SDR16C5: variants seen among roughly 807,000 people sequenced by gnomAD.
SDR16C5 encodes short chain dehydrogenase/reductase family 16C member 5.
Under a neutral mutation model 27.7 loss-of-function variants are expected in SDR16C5, and 20 were observed. That is an observed-to-expected ratio of 0.72 (90% confidence interval 0.51 to 1.05). The LOEUF is 1.05. Among genes scored for constraint, SDR16C5 ranks in the 50% least tolerant of loss-of-function variants. The pLI, the probability that SDR16C5 is intolerant of heterozygous loss-of-function variation, is 0.00. For missense variants in SDR16C5, 374 were observed against 366.3 expected, an observed-to-expected ratio of 1.02 and a Z score of -0.17; for synonymous variants, 139 against 132.3, an observed-to-expected ratio of 1.05 and a Z score of -0.35.
chr8:56,308,992 A>G lies in SDR16C5; in HGVS notation c.501T>C (p.Asn167=). ...YKAFLPAMIA[N]DHGHLVCISS... is the part of the protein sequence containing the mutation. ...AAATGCAAACCAAATGTCCATGGTC[A>G]TTAGCAATCATAGCAGGTAGAAAGG... Residue 167 remains asparagine (N), a synonymous_variant, in exon 4 of 7, where the codon AAT becomes AAC. Transcript: ENST00000303749. 6.2e-7 allele frequency: 1 copy of G among 1,612,522 alleles called. No homozygotes were observed.
chr8:56,305,742 C>T lies in SDR16C5; in HGVS notation c.711-20G>A. On this transcript the variant is annotated intron_variant, in intron 5 of 6. Coordinates refer to ENST00000303749, the MANE Select transcript of SDR16C5 (RefSeq NM_138969.4). Reference sequence around the variant, plus strand: ...GGACAGCTAGGATATAAAATGACAACAATTAAAAAAAACCCTGAAGGCCAA... The same window carrying T: ...GGACAGCTAGGATATAAAATGACAATAATTAAAAAAAACCCTGAAGGCCAA... The T allele has an allele frequency of 1.3e-6, 2 of 1,559,438 alleles. No individual in the cohort carries two copies. The highest frequency in any genetic ancestry group is 1.7e-6 in the Non-Finnish European group (2 of 1,163,638).
intron 6 of SDR16C5, among the ~76,000 whole-genome samples, chr8:56,303,587 C>G (rs1053117319): frequency 1.3e-5 from 2 of 152,214 alleles, no homozygotes; most frequent in Non-Finnish European, 2.9e-5. Flanking sequence ...ACACAAAGCA[C>G]TCTCTGAATA....
intron 2 of SDR16C5, among the ~76,000 whole-genome samples, 182 bp from the exon 3 acceptor site, chr8:56,312,470 C>T (rs897986358): frequency 2.6e-5 from 4 of 152,052 alleles, no homozygotes; most frequent in Middle Eastern, 3.2e-3. Context: ...TCTGGCAGGC[C>T]GAGGCAGGGG....
intron 1 of SDR16C5, among the ~76,000 whole-genome samples, chr8:56,319,812 CG>C (rs1815290255): frequency 1.3e-5 from 2 of 152,116 alleles, no homozygotes; most frequent in Non-Finnish European, 2.9e-5. Context: ...AGCTCACCCC[CG>C]GGGGCGAGGG....
chr8:56,315,747 G>A (rs1174668662), intron 2 of SDR16C5, among the ~76,000 whole-genome samples: 1 of 151,966 alleles, frequency 6.6e-6, no homozygotes, highest in Non-Finnish European at 1.5e-5. Flanking sequence ...TGTTTCTTAG[G>A]GCAGCTACAT....
At chr8:56,302,443 G>A (rs1814781050) in intron 6 of SDR16C5, among the ~76,000 whole-genome samples, 1 of 152,162 alleles carries the variant, frequency 6.6e-6, no homozygotes, top group Admixed American at 6.5e-5. Context: ...AGGAGGCTGA[G>A]GTGGGCAGAT....
In SDR16C5 at chr8:56,316,228, A is replaced by C. The variant is rs944459104; in HGVS notation, c.120T>G (p.Gly40=). The change falls in exon 2 of 7, where the codon GGT becomes GGG. Residue 40 remains glycine, a synonymous_variant. Coordinates refer to ENST00000303749, the MANE Select transcript of SDR16C5 (RefSeq NM_138969.4). ...CAGCACCTGTGATGAGGACTATTTCACCAGCAACGTTCTTCCGTGGCTTTG... is the reference window on the plus strand; with the variant it reads ...CAGCACCTGTGATGAGGACTATTTCCCCAGCAACGTTCTTCCGTGGCTTTG... ...LLPKPRKNVA[G]EIVLITGAGS... is the part of the protein sequence containing the mutation. The C allele has an allele frequency of 6.2e-7, 1 of 1,613,932 alleles. No homozygotes were observed. The highest frequency in any genetic ancestry group is 1.3e-5 in the African/African-American group (1 of 74,906).
intron 2 of SDR16C5, 86 bp downstream of exon 2, chr8:56,315,927 CTG>C: frequency 1.2e-6 from 1 of 867,296 alleles, no homozygotes; most frequent in South Asian, 1.6e-5. Context: ...TAAAGGGACA[CTG>C]GAGACAGGCT....
chr8:56,312,471 G>A (rs1282869634), intron 2 of SDR16C5, among the ~76,000 whole-genome samples, 183 bp from the exon 3 acceptor site: 1 of 152,080 alleles, frequency 6.6e-6, no homozygotes, highest in Admixed American at 6.6e-5. Flanking sequence ...CTGGCAGGCC[G>A]AGGCAGGGGG....
chr8:56,311,117 G>C (rs1271857913), intron 3 of SDR16C5, among the ~76,000 whole-genome samples: 1 of 152,210 alleles, frequency 6.6e-6, no homozygotes, highest in Non-Finnish European at 1.5e-5. Flanking sequence ...GGAATGACGA[G>C]CTACGAGCAG....
chr8:56,310,213 A>G (rs1297213632), intron 3 of SDR16C5, among the ~76,000 whole-genome samples: 2 of 3,422 alleles, frequency 5.8e-4, no homozygotes, highest in Non-Finnish European at 1.1e-3. Flanking sequence ...GAGGAGGAGG[A>G]AGGAGGAGGA....
chr8:56,304,185 T>C (rs1204284542), intron 6 of SDR16C5: 5 of 645,810 alleles, frequency 7.7e-6, no homozygotes, highest in Admixed American at 4.7e-5. Flanking sequence ...GGATGGACAA[T>C]GGCTGCTGGC....
rs765733646 is a variant in SDR16C5 at position 56,312,230 on chromosome 8, C to A, written c.392G>T (p.Gly131Val). 1 of 1,612,780 alleles carries A rather than the reference C, an allele frequency of 6.2e-7. No homozygotes were observed. Among genetic ancestry groups the A allele is most frequent in the Non-Finnish European group, 8.5e-7 (1 of 1,178,782 alleles). Reference sequence around the variant, plus strand: ...ATCTGGACAGTCAAGGAACTTTTTGCCTGTTACGATTCCGGCATTGTTGAT... The same window carrying A: ...ATCTGGACAGTCAAGGAACTTTTTGACTGTTACGATTCCGGCATTGTTGAT... ...ILINNAGIVT[G>V]KKFLDCPDEL... Residue 131 changes from glycine (G) to valine (V), a missense_variant, in exon 3 of 7, where the codon GGC (glycine) becomes GTC (valine). Coordinates refer to ENST00000303749, the MANE Select transcript of SDR16C5 (RefSeq NM_138969.4).
At chr8:56,315,255 A>G (rs1210868054) in intron 2 of SDR16C5, among the ~76,000 whole-genome samples, 1 of 151,928 alleles carries the variant, frequency 6.6e-6, no homozygotes, top group African/African-American at 2.4e-5. Flanking sequence ...CAAAAAAAAA[A>G]AAAAAATTCC....
At position 56,306,757 on chromosome 8, in the gene SDR16C5, A is replaced by G. The variant is rs781392207; in HGVS notation, c.629T>C (p.Val210Ala). The change falls in exon 5 of 7, where the codon GTC (valine) becomes GCC (alanine). Residue 210 changes from valine to alanine, a missense_variant. Val to Ala is a moderately conservative substitution (Grantham distance 64). Coordinates refer to ENST00000303749, the MANE Select transcript of SDR16C5 (RefSeq NM_138969.4). ...GGTTTTGATCCCCTTTTGTTTTTGGACAAATGTTTCTACAAATACAGATTC... is the reference window on the plus strand; with the variant it reads ...GGTTTTGATCCCCTTTTGTTTTTGGGCAAATGTTTCTACAAATACAGATTC... ...FAESVFVETFVQKQKGIKTTI... is the reference protein window; with the variant it reads ...FAESVFVETFAQKQKGIKTTI... 9 of 1,613,608 alleles carry G rather than the reference A, an allele frequency of 5.6e-6. No homozygotes were observed. The South Asian group carries it at 9.9e-5, about 18-fold the overall frequency.
chr8:56,311,588 C>CT (rs1815046187), intron 3 of SDR16C5, among the ~76,000 whole-genome samples: 1 of 152,166 alleles, frequency 6.6e-6, no homozygotes, highest in African/African-American at 2.4e-5. Flanking sequence ...GAAGTCAGGA[C>CT]TGTGCTTTTA....
rs1815201007 is a variant in SDR16C5 at position 56,316,468 on chromosome 8, G to A, written c.-14-107C>T. On this transcript the variant is annotated intron_variant, in intron 1 of 6. Coordinates refer to ENST00000303749, the MANE Select transcript of SDR16C5 (RefSeq NM_138969.4). ...GAAACAGTGAAAGTAACTGAGATATGTGATTTAAACAGCTCTCCTGGTAGC... is the reference window on the plus strand; with the variant it reads ...GAAACAGTGAAAGTAACTGAGATATATGATTTAAACAGCTCTCCTGGTAGC... 9 of 705,538 alleles carry A rather than the reference G, an allele frequency of 1.3e-5. No individual in the cohort carries two copies. In the South Asian group the frequency reaches 1.7e-4, roughly 13 times the overall value. The allele number at this position is 705,538 out of a possible 1,614,324, so 43.7% of individuals were successfully genotyped here. A position where few individuals can be genotyped will look rare whatever the true frequency, so the allele number is the denominator to read the frequency against.
chr8:56,305,645 A>C lies in SDR16C5; in HGVS notation c.788T>G (p.Met263Arg), dbSNP rs749921763. 1.9e-6 allele frequency: 3 copies of C among 1,599,954 alleles called. No individual in the cohort carries two copies. Among genetic ancestry groups the C allele is most frequent in the African/African-American group, 1.3e-5 (1 of 74,180 alleles). The change falls in exon 6 of 7, where the codon ATG (methionine) becomes AGG (arginine). Residue 263 changes from methionine to arginine, a missense_variant. Transcript: ENST00000303749. The part of the protein sequence containing the change: ...KIVEAILQEK[M>R]YLYMPKLLYF... ...TAACAACTTTGGCATATACAAGTAC[A>C]TTTTTTCTTGTAGAATAGCTTCTAC...
intron 3 of SDR16C5, among the ~76,000 whole-genome samples, chr8:56,310,595 A>G (rs1815021623): frequency 1.3e-5 from 2 of 151,832 alleles, no homozygotes; most frequent in African/African-American, 2.4e-5. Flanking sequence ...GCGTGCGCCC[A>G]TAGTCCCAGA....
Sources: allele counts gnomAD v4.1 joint callset (sites outside exome capture counted in the v4.1 genomes callset), GRCh38; gene constraint gnomAD v4.1.1; transcripts MANE v1.5; gene names NCBI Gene and HGNC (gene_info 2026-07-23, HGNC 2026-07-21).